Variants in CTNND2 observed in about 807,000 individuals in gnomAD.
CTNND2 encodes catenin delta 2.
Under a neutral mutation model 144.4 loss-of-function variants are expected in CTNND2, and 22 were observed. The observed-to-expected ratio is 0.15, with a 90% CI of 0.11 to 0.22. The LOEUF is 0.22. CTNND2 is among the 10% of genes least tolerant of loss of function. The pLI, the probability that CTNND2 is intolerant of heterozygous loss-of-function variation, is 1.00. For synonymous variants in CTNND2, 751 were observed against 695.6 expected (o/e 1.08, Z -1.25); for missense variants, 1,353 against 1,618.8 (o/e 0.84, Z 2.82).
intron 7 of CTNND2, among the ~76,000 whole-genome samples, chr5:11,381,310 G>A (rs766914713): frequency 6.6e-6 from 1 of 152,238 alleles, no homozygotes; most frequent in Middle Eastern, 3.4e-3. Flanking sequence ...AACTAGATCA[G>A]AATGCAGTAC....
chr5:11,409,432 A>C (rs1761345232), intron 5 of CTNND2, among the ~76,000 whole-genome samples: 1 of 152,048 alleles, frequency 6.6e-6, no homozygotes, highest in African/African-American at 2.4e-5. Flanking sequence ...GGTTATCTTA[A>C]TTTGTTATTT....
chr5:11,724,796 A>G (rs1262193254), intron 2 of CTNND2, among the ~76,000 whole-genome samples: 1 of 152,096 alleles, frequency 6.6e-6, no homozygotes, highest in African/African-American at 2.4e-5. Context: ...TTTCTTTATC[A>G]CTCCAAGATG....
At chr5:11,471,116 T>C (rs2149954961) in intron 3 of CTNND2, among the ~76,000 whole-genome samples, 1 of 151,248 alleles carries the variant, frequency 6.6e-6, no homozygotes, top group South Asian at 2.1e-4. Context: ...TAGCGGGGAC[T>C]ACAGGCGCCC....
At chr5:11,301,753 G>C (rs1749631949) in intron 9 of CTNND2, among the ~76,000 whole-genome samples, 1 of 152,168 alleles carries the variant, frequency 6.6e-6, no homozygotes, top group Non-Finnish European at 1.5e-5. Flanking sequence ...TTATACTAAA[G>C]TCACATACTA....
At chr5:11,007,943 G>C (rs1455970205) in intron 18 of CTNND2, among the ~76,000 whole-genome samples, 1 of 152,186 alleles carries the variant, frequency 6.6e-6, no homozygotes, top group African/African-American at 2.4e-5. Context: ...AGAACTGGAA[G>C]TATTTACATT....
At chr5:11,342,521 T>A (rs1754379284) in intron 9 of CTNND2, among the ~76,000 whole-genome samples, 1 of 152,230 alleles carries the variant, frequency 6.6e-6, no homozygotes, top group Non-Finnish European at 1.5e-5. Context: ...AAAGTGAGAT[T>A]CTTTAAGCAT....
At chr5:11,039,465 A>C (rs558640594) in intron 16 of CTNND2, among the ~76,000 whole-genome samples, 3 of 152,320 alleles carry the variant, frequency 2.0e-5, no homozygotes, top group Admixed American at 6.5e-5. Context: ...TGATCATACC[A>C]GTCCCCTTTT....
At chr5:11,708,715 T>G (rs1785855924) in intron 2 of CTNND2, among the ~76,000 whole-genome samples, 1 of 152,112 alleles carries the variant, frequency 6.6e-6, no homozygotes, top group Non-Finnish European at 1.5e-5. Context: ...CTCAGGGCCA[T>G]GAGCTCTGTT....
chr5:11,846,484 C>A (rs2400097), intron 1 of CTNND2, among the ~76,000 whole-genome samples: 19,488 of 152,052 alleles, frequency 0.13, 3,461 homozygotes, highest in African/African-American at 0.4. Context: ...CAAAACTATG[C>A]AATTAGTTGA....
At chr5:10,981,665 T>G in intron 21 of CTNND2, 108 bp downstream of exon 21, 2 of 1,130,762 alleles carry the variant, frequency 1.8e-6, no homozygotes, top group Non-Finnish European at 2.6e-6. Context: ...CGTTGCCTTC[T>G]TTTTCAGTTC....
chr5:11,336,606 C>G (rs1753749788), intron 9 of CTNND2, among the ~76,000 whole-genome samples: 1 of 152,114 alleles, frequency 6.6e-6, no homozygotes. Context: ...TATATCTTAT[C>G]TTTGGATAAA....
At chr5:11,890,207 A>G (rs1310075413) in intron 1 of CTNND2, among the ~76,000 whole-genome samples, 1 of 152,154 alleles carries the variant, frequency 6.6e-6, no homozygotes, top group Non-Finnish European at 1.5e-5. Context: ...TAAACTTGGT[A>G]CAGTTCTATT....
intron 1 of CTNND2, among the ~76,000 whole-genome samples, chr5:11,811,956 C>G (rs1032541845): frequency 6.6e-6 from 1 of 152,140 alleles, no homozygotes; most frequent in Non-Finnish European, 1.5e-5. Flanking sequence ...AAATGGCTAT[C>G]CTCATAAACT....
chr5:11,716,387 G>C (rs1268896281), intron 2 of CTNND2, among the ~76,000 whole-genome samples: 2 of 152,096 alleles, frequency 1.3e-5, no homozygotes, highest in African/African-American at 4.8e-5. Flanking sequence ...TTATCAAAAA[G>C]GTCAAATTCA....
At chr5:11,420,195 C>T (rs764274744) in intron 3 of CTNND2, among the ~76,000 whole-genome samples, 3 of 152,020 alleles carry the variant, frequency 2.0e-5, no homozygotes, top group Admixed American at 6.6e-5. Flanking sequence ...TGTTGTCAGG[C>T]GCCTGCAATC....
Position 11,551,063 on chromosome 5 carries a change from G to C in CTNND2, c.287+13881C>G, listed in dbSNP as rs141113636. ...CCTCTCTAACGTGCACTGTGGAGCA[G>C]CCTCCCTGGGCTTCCATCCCTCCTC... On this transcript the variant is annotated intron_variant, in intron 3 of 21. Coordinates refer to ENST00000304623, the MANE Select transcript of CTNND2 (RefSeq NM_001332.4). Among the ~76,000 whole-genome samples the C allele has an allele frequency of 3.9e-5, 6 of 152,226 alleles. No individual in the cohort carries two copies. In the East Asian group the frequency reaches 9.7e-4, roughly 25 times the overall value.
intron 17 of CTNND2, among the ~76,000 whole-genome samples, chr5:11,019,869 A>C (rs546884817): frequency 6.6e-6 from 1 of 152,372 alleles, no homozygotes; most frequent in East Asian, 1.9e-4. Context: ...ATTGGGGAAA[A>C]AAAACCAAAT....
At chr5:11,782,650 CA>C (rs1222369082) in intron 1 of CTNND2, among the ~76,000 whole-genome samples, 7 of 152,068 alleles carry the variant, frequency 4.6e-5, no homozygotes, top group African/African-American at 1.7e-4. Context: ...ATCAGCATTC[CA>C]AAAAAATTTA....
At chr5:11,573,155 C>T (rs1218649113) in intron 2 of CTNND2, among the ~76,000 whole-genome samples, 6 of 152,284 alleles carry the variant, frequency 3.9e-5, no homozygotes, top group Non-Finnish European at 7.4e-5. Context: ...ATTGAGTCAA[C>T]ATTGGAATAA....
Sources: gnomAD v4.1 joint callset for allele counts (sites outside exome capture counted in the v4.1 genomes callset) on GRCh38, gnomAD v4.1.1 for gene constraint, MANE v1.5 for transcripts, NCBI Gene and HGNC (gene_info 2026-07-23, HGNC 2026-07-21) for gene names.